SCHIP1: variants seen among roughly 807,000 people sequenced by gnomAD.
The protein encoded by SCHIP1 is schwannomin interacting protein 1, also known as schwannomin-interacting protein 1.
In SCHIP1, 8 loss-of-function variants were observed where a neutral mutation model predicts 29.7. That is an observed-to-expected ratio of 0.27 (90% CI 0.16 to 0.49). The LOEUF (loss-of-function observed/expected upper bound fraction) is 0.49. Ranked by LOEUF, SCHIP1 falls within the 20% of genes least tolerant of loss-of-function variation. The probability of loss-of-function intolerance (pLI) is 0.99; values close to 1 mark genes in which losing one functional copy is unlikely to be tolerated. For synonymous variants in SCHIP1, 76 were observed against 94.9 expected, an observed-to-expected ratio of 0.80 and a Z score of 1.16; for missense variants, 193 against 294.6, an observed-to-expected ratio of 0.66 and a Z score of 2.52.
At chr3:159,776,885 C>T in the SCHIP1 span, among the ~76,000 whole-genome samples, 2 of 152,040 alleles carry the variant, frequency 1.3e-5, no homozygotes, top group African/African-American at 2.4e-5. Context: ...GTGGTAAACG[C>T]GGATGCTTCC....
chr3:159,617,117 C>A, the SCHIP1 span, among the ~76,000 whole-genome samples: 5 of 152,232 alleles, frequency 3.3e-5, no homozygotes, highest in African/African-American at 1.2e-4. Flanking sequence ...TCCCATCCAA[C>A]CACTAGGGTC....
chr3:159,386,027 A>C, the SCHIP1 span, among the ~76,000 whole-genome samples: 2 of 152,164 alleles, frequency 1.3e-5, no homozygotes, highest in African/African-American at 4.8e-5. Context: ...ACATGAACTC[A>C]TCCTTTTTTA....
exon 1 of SCHIP1, chr3:159,840,160 G>A (rs1306275426): frequency 2.0e-6 from 3 of 1,535,232 alleles, no homozygotes; most frequent in African/African-American, 1.4e-5. Context: ...CCTGCGTTGG[G>A]GTCTGCGCCC....
chr3:159,795,648 A>G, the SCHIP1 span, among the ~76,000 whole-genome samples: 40,964 of 152,140 alleles, frequency 0.27, 5,800 homozygotes, highest in African/African-American at 0.34. Flanking sequence ...GTGGTGGTCC[A>G]AAGAAAGTGT....
At chr3:159,806,072 A>G in the SCHIP1 span, among the ~76,000 whole-genome samples, 1 of 152,182 alleles carries the variant, frequency 6.6e-6, no homozygotes, top group Non-Finnish European at 1.5e-5. Context: ...GGCCTCCCAA[A>G]GTACTGGATT....
At chr3:159,497,251 TAAAA>T in the SCHIP1 span, among the ~76,000 whole-genome samples, 1 of 145,566 alleles carries the variant, frequency 6.9e-6, no homozygotes, top group Non-Finnish European at 1.5e-5. Context: ...AGTATAATAA[TAAAA>T]AAAAAAGACT....
the SCHIP1 span, among the ~76,000 whole-genome samples, chr3:159,299,899 T>C: frequency 6.6e-6 from 1 of 152,072 alleles, no homozygotes; most frequent in South Asian, 2.1e-4. Flanking sequence ...TGCCAACCCA[T>C]GGGGGACAGT....
intron 1 of SCHIP1, among the ~76,000 whole-genome samples, chr3:159,863,894 A>G (rs544205006): frequency 3.9e-5 from 6 of 152,358 alleles, no homozygotes; most frequent in Admixed American, 2.6e-4. Flanking sequence ...TAGACATGGA[A>G]TCAAGGGTAT....
chr3:159,406,451 C>G, the SCHIP1 span, among the ~76,000 whole-genome samples: 1 of 152,194 alleles, frequency 6.6e-6, no homozygotes, highest in Non-Finnish European at 1.5e-5. Context: ...TGAGGGACTT[C>G]ATCAACACCA....
chr3:159,846,435 T>G (rs1049201254), intron 1 of SCHIP1, among the ~76,000 whole-genome samples: 2 of 152,140 alleles, frequency 1.3e-5, no homozygotes, highest in Non-Finnish European at 2.9e-5. Flanking sequence ...TCATTAATGG[T>G]TAACAAAGGA....
chr3:159,382,961 T>C, the SCHIP1 span, among the ~76,000 whole-genome samples: 25 of 150,550 alleles, frequency 1.7e-4, no homozygotes, highest in African/African-American at 5.6e-4. Flanking sequence ...GTTGTTTGTT[T>C]TTTTCTTGTA....
the SCHIP1 span, among the ~76,000 whole-genome samples, chr3:159,429,432 T>G: frequency 3.3e-5 from 5 of 152,042 alleles, no homozygotes; most frequent in Non-Finnish European, 7.4e-5. Context: ...CTTTCCAAAA[T>G]CAAAGCATCT....
chr3:159,675,407 C>G, the SCHIP1 span, among the ~76,000 whole-genome samples: 1 of 152,152 alleles, frequency 6.6e-6, no homozygotes, highest in African/African-American at 2.4e-5. Flanking sequence ...GACACCATCC[C>G]CAACTATGTA....
chr3:159,497,997 T>G, the SCHIP1 span, among the ~76,000 whole-genome samples: 1 of 152,216 alleles, frequency 6.6e-6, no homozygotes, highest in African/African-American at 2.4e-5. Context: ...ATTTGAATTT[T>G]TTTTCTCTCT....
At chr3:159,370,798 G>A in the SCHIP1 span, among the ~76,000 whole-genome samples, 1 of 152,086 alleles carries the variant, frequency 6.6e-6, no homozygotes, top group African/African-American at 2.4e-5. Flanking sequence ...TTACATCAGT[G>A]CCCTATCTTG....
chr3:159,811,345 G>T, the SCHIP1 span, among the ~76,000 whole-genome samples: 1 of 152,128 alleles, frequency 6.6e-6, no homozygotes. Context: ...TGCTGTTGCT[G>T]TTGTGTTTAA....
the SCHIP1 span, among the ~76,000 whole-genome samples, chr3:159,292,264 A>G: frequency 8.6e-4 from 131 of 152,272 alleles, no homozygotes; most frequent in African/African-American, 2.9e-3. Context: ...GTAAAGTATA[A>G]GAAAATCTTA....
chr3:159,692,698 C>G, the SCHIP1 span, among the ~76,000 whole-genome samples: 1 of 152,140 alleles, frequency 6.6e-6, no homozygotes, highest in African/African-American at 2.4e-5. Flanking sequence ...AAGAGTCTGA[C>G]GGTTCTCACT....
the SCHIP1 span, among the ~76,000 whole-genome samples, chr3:159,645,703 C>A: frequency 6.6e-6 from 1 of 152,100 alleles, no homozygotes; most frequent in South Asian, 2.1e-4. Flanking sequence ...TCTATTGTGT[C>A]CATGCCCATA....
Sources: gnomAD v4.1 joint callset for allele counts (sites outside exome capture counted in the v4.1 genomes callset) on GRCh38, gnomAD v4.1.1 for gene constraint, MANE v1.5 for transcripts, NCBI Gene and HGNC (gene_info 2026-07-23, HGNC 2026-07-21) for gene names.